The following CSPG4 variants were observed in gnomAD, a reference collection of about 807,000 sequenced individuals.
The protein encoded by CSPG4 is chondroitin sulfate proteoglycan 4 (melanoma-associated).
CSPG4 carries 74 observed loss-of-function variants against 139.3 expected under a neutral mutation model. That is an observed-to-expected ratio of 0.53 (90% CI 0.44 to 0.64). CSPG4 has a LOEUF of 0.64. Ranked by LOEUF, CSPG4 falls within the 30% of genes least tolerant of loss-of-function variation. The probability of loss-of-function intolerance (pLI) is 0.00; values close to 1 mark genes in which losing one functional copy is unlikely to be tolerated. For synonymous variants in CSPG4, 1,234 were observed against 1,394.2 expected (o/e 0.89, Z 2.56); for missense variants, 2,565 against 3,148.3 (o/e 0.81, Z 4.43).
rs570351816 is a variant in CSPG4 at position 75,687,480 on chromosome 15, C to T, written c.3585G>A (p.Gly1195=). Residue 1195 remains glycine (G), a synonymous_variant, in exon 3 of 10, where the codon GGG becomes GGA. Coordinates refer to ENST00000308508, the MANE Select transcript of CSPG4 (RefSeq NM_001897.5). This position sits in a 1 kb window ranked among gnomAD's most constrained non-coding sequence, Gnocchi z 5.4. ...TAFSQQDLLD[G]AVLYSHNGSL... ...TGCCATTGTGGCTATAGAGAACGGC[C>T]CCATCCAGCAGGTCCTGCTGGGAGA... 5.9e-5 allele frequency: 95 copies of T among 1,612,714 alleles called. No individual in the cohort carries two copies. In the East Asian group the frequency reaches 2.1e-3, roughly 35 times the overall value.
rs750954343 is a variant in CSPG4, at chr15:75,675,856, G to C, written c.6663C>G (p.Asn2221Lys). Residue 2221 changes from asparagine (N) to lysine (K), a missense_variant, in exon 10 of 10, where the codon AAC becomes AAG. By Grantham distance (94) the Asn-to-Lys change is moderately conservative (BLOSUM62 0). This residue lies in a region of CSPG4 where 2,316 missense variants were observed against 2,818.2 expected (regional missense o/e 0.82). Transcript: ENST00000308508. ...ACATGGGGATGATGACGCTGAACATGTTGGCCTCAAGGAAGCTCAGGAAGC... is the reference window on the plus strand; with the variant it reads ...ACATGGGGATGATGACGCTGAACATCTTGGCCTCAAGGAAGCTCAGGAAGC... ...KGGFLSFLEANMFSVIIPMCL... is the reference protein window; with the variant it reads ...KGGFLSFLEAKMFSVIIPMCL... The C allele has an allele frequency of 1.9e-6, 3 of 1,610,302 alleles. No individual in the cohort carries two copies. Among genetic ancestry groups the C allele is most frequent in the Admixed American group, 1.7e-5 (1 of 60,032 alleles).
Position 75,677,201 on chromosome 15 carries a change from TG to T in CSPG4, c.5317del (p.His1773ThrfsTer12). The T allele has an allele frequency of 2.1e-6, 3 of 1,448,982 alleles. No individual in the cohort carries two copies. Among genetic ancestry groups the T allele is most frequent in the Admixed American group, 2.6e-5 (1 of 39,036 alleles). The allele number at this position is 1,448,982 out of a possible 1,614,324, so 89.8% of individuals were successfully genotyped here. On this transcript the variant is annotated frameshift_variant, in exon 10 of 10. Coordinates refer to ENST00000308508, the MANE Select transcript of CSPG4 (RefSeq NM_001897.5). LOFTEE classifies it low-confidence loss of function (END_TRUNC). ...SEEPLHAGQP[H>X]FLQSQLAAGQ... ...TGCAGCCAGCTGGGACTGCAGGAAGTGGGGCTGCCCAGCATGGAGGGGCTCC... is the reference window on the plus strand; with the variant it reads ...TGCAGCCAGCTGGGACTGCAGGAAGTGGGCTGCCCAGCATGGAGGGGCTCC...
At chr15:75,709,327 A>G (rs1894414764) in intron 1 of CSPG4, among the ~76,000 whole-genome samples, 3 of 152,152 alleles carry the variant, frequency 2.0e-5, no homozygotes, top group South Asian at 4.1e-4. Context: ...TGTTGGAGGC[A>G]AGAGGAGAGC....
chr15:75,704,760 T>C (rs769925962), intron 1 of CSPG4, among the ~76,000 whole-genome samples: 1 of 152,162 alleles, frequency 6.6e-6, no homozygotes, highest in Non-Finnish European at 1.5e-5. Flanking sequence ...CCCATACCAC[T>C]GAGGGGTCCT....
Position 75,675,138 on chromosome 15 carries a change from C to T in CSPG4, c.*412G>A, listed in dbSNP as rs1161386913. ...GTGGAAAAGCCAGGAATAGCTTCCT[C>T]TGTCCCTTCCCTCCCCAGGGTACTT... On this transcript the variant is annotated 3_prime_UTR_variant, in exon 10 of 10. Coordinates refer to ENST00000308508, the MANE Select transcript of CSPG4 (RefSeq NM_001897.5). 6.3e-6 allele frequency: 2 copies of T among 314,974 alleles called. No homozygotes were observed. Among genetic ancestry groups the T allele is most frequent in the African/African-American group, 2.1e-5 (1 of 46,940 alleles). 19.5% of individuals were successfully genotyped at this position (314,974 alleles called of 1,614,324 possible).
chr15:75,687,523 C>T lies in CSPG4; in HGVS notation c.3542G>A (p.Gly1181Asp). ...GPRWGQLVRA[G>D]QPATAFSQQD... Reference sequence around the variant, plus strand: ...CTGGGAGAAGGCTGTGGCTGGCTGACCAGCCCGGACTAGCTGTCCCCAGCG... The same window carrying T: ...CTGGGAGAAGGCTGTGGCTGGCTGATCAGCCCGGACTAGCTGTCCCCAGCG... Residue 1181 changes from glycine to aspartate, a missense_variant, in exon 3 of 10, where the codon GGT (glycine) becomes GAT (aspartate). Around this residue, in one of 5 missense-constraint regions of CSPG4, gnomAD observed 2,316 missense variants for 2,818.2 expected, o/e 0.82. Coordinates refer to ENST00000308508, the MANE Select transcript of CSPG4 (RefSeq NM_001897.5). The surrounding 1 kb of genome is among the most constrained non-coding windows in gnomAD (Gnocchi z 5.4). 3 of 1,612,016 alleles carry T rather than the reference C, an allele frequency of 1.9e-6. No individual in the cohort carries two copies. Among genetic ancestry groups the T allele is most frequent in the Non-Finnish European group, 2.5e-6 (3 of 1,179,398 alleles).
intron 1 of CSPG4, among the ~76,000 whole-genome samples, chr15:75,697,147 C>G (rs1483093979): frequency 6.6e-6 from 1 of 152,114 alleles, no homozygotes; most frequent in Non-Finnish European, 1.5e-5. Flanking sequence ...GCTGTGGGCT[C>G]TGTTCCTTCT....
chr15:75,695,493 T>C (rs560325137), intron 1 of CSPG4, among the ~76,000 whole-genome samples: 26 of 152,148 alleles, frequency 1.7e-4, no homozygotes, highest in African/African-American at 6.0e-4. Flanking sequence ...CTGGAGCGCG[T>C]GGCCAGGCAG....
chr15:75,692,779 G>A (rs1450605102), intron 2 of CSPG4, among the ~76,000 whole-genome samples: 1 of 152,202 alleles, frequency 6.6e-6, no homozygotes, highest in East Asian at 1.9e-4. Flanking sequence ...GAGCCTGGCA[G>A]CAAGCGACTG....
chr15:75,707,101 G>A (rs1207986192), intron 1 of CSPG4, among the ~76,000 whole-genome samples: 2 of 151,958 alleles, frequency 1.3e-5, no homozygotes, highest in Admixed American at 1.3e-4. Context: ...GGGATTACAG[G>A]TGTCGCCAGC....
Position 75,688,402 on chromosome 15 carries a change from G to C in CSPG4, c.2663C>G (p.Thr888Ser), listed in dbSNP as rs756837580. Residue 888 changes from threonine (T) to serine (S), a missense_variant, in exon 3 of 10, where the codon ACC (threonine) becomes AGC (serine). Around this residue, in one of 5 missense-constraint regions of CSPG4, gnomAD observed 2,316 missense variants for 2,818.2 expected, o/e 0.82. Coordinates refer to ENST00000308508, the MANE Select transcript of CSPG4 (RefSeq NM_001897.5). ...GTCACCACCAATGTGGATGGGGAAG[G>C]TATAGAGTGGGGAGAAATATGGTGG... ...TAPPYFSPLYTFPIHIGGDPD... is the reference protein window; with the variant it reads ...TAPPYFSPLYSFPIHIGGDPD... The C allele has an allele frequency of 6.2e-7, 1 of 1,613,380 alleles. No homozygotes were observed. Among genetic ancestry groups the C allele is most frequent in the East Asian group, 2.2e-5 (1 of 44,890 alleles).
chr15:75,709,247 C>T (rs1310985516), intron 1 of CSPG4, among the ~76,000 whole-genome samples: 2 of 152,184 alleles, frequency 1.3e-5, no homozygotes, highest in Non-Finnish European at 2.9e-5. Flanking sequence ...CTGCCCTAAG[C>T]CTGCAGCTGG....
chr15:75,699,079 C>T (rs572210130), intron 1 of CSPG4, among the ~76,000 whole-genome samples: 2 of 152,218 alleles, frequency 1.3e-5, no homozygotes, highest in African/African-American at 2.4e-5. Flanking sequence ...GGCCCAAGGA[C>T]TGCCTGCTCC....
intron 1 of CSPG4, among the ~76,000 whole-genome samples, chr15:75,708,017 C>G (rs1459556284): frequency 1.3e-5 from 2 of 150,836 alleles, no homozygotes; most frequent in East Asian, 3.9e-4. Flanking sequence ...TCTGAACAAG[C>G]AGGCTCCTCT....
chr15:75,686,770 C>A (rs1198563043), intron 3 of CSPG4, among the ~76,000 whole-genome samples: 1 of 152,140 alleles, frequency 6.6e-6, no homozygotes. Context: ...GGTCACAGGG[C>A]AAGTCAGTGA....
At chr15:75,693,761 G>GC (rs1166897827) in intron 1 of CSPG4, among the ~76,000 whole-genome samples, 2 of 152,242 alleles carry the variant, frequency 1.3e-5, no homozygotes, top group African/African-American at 4.8e-5. Context: ...GCTGTGCCAT[G>GC]CCCCGCCTCC....
At chr15:75,703,994 T>G (rs1894337843) in intron 1 of CSPG4, among the ~76,000 whole-genome samples, 1 of 86,078 alleles carries the variant, frequency 1.2e-5, no homozygotes, top group Non-Finnish European at 2.4e-5. Flanking sequence ...GAGCCGGGGG[T>G]GGAGAGGAGC....
Position 75,690,631 on chromosome 15 carries a change from C to G in CSPG4, c.434G>C (p.Gly145Ala). The change falls in exon 3 of 10, where the codon GGG becomes GCG. Residue 145 changes from glycine (G) to alanine (A), a missense_variant. Coordinates refer to ENST00000308508, the MANE Select transcript of CSPG4 (RefSeq NM_001897.5). Reference protein sequence around the residue: ...VPGAPLEVPYGLFVGGTGTLG... With the variant: ...VPGAPLEVPYALFVGGTGTLG... ...GGTCCCAGTGCCCCCAACAAAGAGC[C>G]CATAGGGGACCTCTAGGGGGGCTCC... 11 of 1,611,480 alleles carry G rather than the reference C, an allele frequency of 6.8e-6. No individual in the cohort carries two copies. Among genetic ancestry groups the G allele is most frequent in the Non-Finnish European group, 9.3e-6 (11 of 1,179,834 alleles).
chr15:75,712,940 A>G, upstream of CSPG4: 1 of 539,456 alleles, frequency 1.9e-6, no homozygotes, highest in South Asian at 2.4e-5. Context: ...GGACTCCCCC[A>G]CCTGCCCCCA....
Sources: allele counts gnomAD v4.1 joint callset (sites outside exome capture counted in the v4.1 genomes callset), GRCh38; gene constraint gnomAD v4.1.1; regional missense constraint gnomAD v4.1.1; non-coding constraint Gnocchi (gnomAD v3.1); transcripts MANE v1.5; gene names NCBI Gene and HGNC (gene_info 2026-07-23, HGNC 2026-07-21).